The following FRMD4B variants were observed in gnomAD, a reference collection of about 807,000 sequenced individuals.
FRMD4B encodes FERM domain containing 4B.
A neutral mutation model predicts 141.5 loss-of-function variants in FRMD4B; 74 were observed. The observed-to-expected ratio is 0.52, with a 90% CI of 0.43 to 0.63. The LOEUF is 0.63. Ranked by LOEUF, FRMD4B falls within the 30% of genes least tolerant of loss-of-function variation. The pLI is 0.00. For synonymous variants in FRMD4B, 506 were observed against 467.9 expected, an observed-to-expected ratio of 1.08 and a Z score of -1.05; for missense variants, 1,366 against 1,253.4, an observed-to-expected ratio of 1.09 and a Z score of -1.36.
intron 8 of FRMD4B, among the ~76,000 whole-genome samples, chr3:69,224,333 G>C (rs1186700943): frequency 6.6e-6 from 1 of 152,100 alleles, no homozygotes; most frequent in African/African-American, 2.4e-5. Flanking sequence ...ATTCACCTAG[G>C]AGCATACTCT....
chr3:69,223,462 C>T (rs555765675), intron 8 of FRMD4B, among the ~76,000 whole-genome samples: 9 of 152,150 alleles, frequency 5.9e-5, no homozygotes, highest in African/African-American at 1.4e-4. Flanking sequence ...TTGCAGTGAG[C>T]GGAGATTGTG....
intron 1 of FRMD4B, among the ~76,000 whole-genome samples, chr3:69,359,831 T>A (rs2007578): frequency 0.37 from 55,625 of 152,088 alleles, 12,154 homozygotes; most frequent in African/African-American, 0.61. Context: ...CATCTCTGTG[T>A]TTGGAAAAAT....
chr3:69,254,368 C>T (rs12152261), intron 5 of FRMD4B, among the ~76,000 whole-genome samples: 10,624 of 152,104 alleles, frequency 0.07, 495 homozygotes, highest in Non-Finnish European at 0.098. Flanking sequence ...CTCAGCCTCC[C>T]GAAGTGCTTA....
chr3:69,540,650 T>C (rs1183752788), intron 1 of FRMD4B, among the ~76,000 whole-genome samples: 6 of 81,520 alleles, frequency 7.4e-5, no homozygotes, highest in Admixed American at 2.7e-4. Flanking sequence ...TATATATATA[T>C]ATATATATAT....
At chr3:69,207,307 TA>T (rs11389016) in intron 11 of FRMD4B, among the ~76,000 whole-genome samples, 45 of 136,866 alleles carry the variant, frequency 3.3e-4, no homozygotes, top group African/African-American at 6.4e-4. Flanking sequence ...CCTATGTCTT[TA>T]AAAAAAAAAA....
intron 3 of FRMD4B, 69 bp from the exon 4 acceptor site, chr3:69,302,504 G>T: frequency 1.1e-6 from 1 of 932,472 alleles, no homozygotes. Context: ...TACAGTGTTG[G>T]CAAAGCTGTG....
At chr3:69,368,964 TTTC>T (rs1703749497) in intron 1 of FRMD4B, among the ~76,000 whole-genome samples, 1 of 152,250 alleles carries the variant, frequency 6.6e-6, no homozygotes, top group Non-Finnish European at 1.5e-5. Context: ...CCCAGCTTGT[TTTC>T]TTCTTTTTAA....
At chr3:69,214,662 C>A (rs374054312) in intron 11 of FRMD4B, among the ~76,000 whole-genome samples, 2 of 152,162 alleles carry the variant, frequency 1.3e-5, no homozygotes, top group East Asian at 1.9e-4. Context: ...AGTTCAAGAC[C>A]AGTCTGGGAA....
intron 2 of FRMD4B, among the ~76,000 whole-genome samples, chr3:69,422,401 G>A (rs73109466): frequency 0.26 from 38,450 of 147,728 alleles, 5,572 homozygotes; most frequent in East Asian, 0.46. Context: ...AAAAAAAGAA[G>A]AGAAAAGGAG....
At position 69,193,749 on chromosome 3, in the gene FRMD4B, T is replaced by A; in HGVS notation, c.1613A>T (p.Tyr538Phe). ...KTVKKKRKQD[Y>F]TDAMKKLQEI... is the part of the protein sequence containing the mutation. ...CTGAAGCTTTTTCATCGCATCTGTG[T>A]AATCTTGCTTTCGCTTTTTCTTCAC... Residue 538 changes from tyrosine to phenylalanine, a missense_variant, in exon 17 of 23, where the codon TAC becomes TTC. Physicochemically the swap from Tyr to Phe is conservative, Grantham distance 22 (BLOSUM62 3). Coordinates refer to ENST00000398540, the MANE Select transcript of FRMD4B (RefSeq NM_015123.3). 6.2e-7 allele frequency: 1 copy of A among 1,613,634 alleles called. No individual in the cohort carries two copies. Among genetic ancestry groups the A allele is most frequent in the East Asian group, 2.2e-5 (1 of 44,884 alleles).
rs575934890 is a variant in FRMD4B at position 69,539,343 on chromosome 3, G to A, written c.-129+2863C>T. On this transcript the variant is annotated intron_variant, in intron 1 of 5. Coordinates refer to the FRMD4B transcript ENST00000459638. ...AGGCTTGCTGAAACTAGAGGCCAGCGACAATAAACATTACTGAGAAAACTT... is the reference window on the plus strand; with the variant it reads ...AGGCTTGCTGAAACTAGAGGCCAGCAACAATAAACATTACTGAGAAAACTT... Among the ~76,000 whole-genome samples the A allele has an allele frequency of 3.3e-5, 5 of 152,272 alleles. No homozygotes were observed. The South Asian group carries it at 8.3e-4, about 25-fold the overall frequency.
intron 1 of FRMD4B, among the ~76,000 whole-genome samples, chr3:69,539,106 G>C (rs914520279): frequency 2.0e-5 from 3 of 152,196 alleles, no homozygotes; most frequent in Non-Finnish European, 4.4e-5. Context: ...ATCACTTGCA[G>C]TATAAGCCTC....
At chr3:69,468,838 A>G (rs562494463) in intron 1 of FRMD4B, among the ~76,000 whole-genome samples, 1 of 152,312 alleles carries the variant, frequency 6.6e-6, no homozygotes, top group South Asian at 2.1e-4. Context: ...TCTGAGAGTT[A>G]AAAATCTGCT....
In FRMD4B at chr3:69,452,762, C is replaced by T. The variant is rs1478077557; in HGVS notation, c.-128-20001G>A. Among the ~76,000 whole-genome samples the T allele has an allele frequency of 3.9e-5, 6 of 152,154 alleles. No homozygotes were observed. In the East Asian group the frequency reaches 1.2e-3, roughly 29 times the overall value. On this transcript the variant is annotated intron_variant, in intron 1 of 5. Coordinates refer to the FRMD4B transcript ENST00000459638. ...TTTCATGTGGCTAGGTCAGGAAGTA[C>T]TCTACAACAGAACTGTCTAGCAGAA...
In FRMD4B at chr3:69,218,348, A is replaced by C; in HGVS notation, c.763T>G (p.Tyr255Asp). The change falls in exon 10 of 23, where the codon TAC becomes GAC. Residue 255 changes from tyrosine (Y) to aspartate (D), a missense_variant. By Grantham distance (160) the Tyr-to-Asp change is radical (BLOSUM62 -3). Transcript: ENST00000398540. The part of the protein sequence containing the change: ...YMKIVEALPT[Y>D]GVHYYAVKDK... ...TTTACTGCATAATAATGGACACCGT[A>C]AGTCGGTAGAGCTTCTACTATTTTC... The C allele has an allele frequency of 6.6e-7, 1 of 1,507,890 alleles. No homozygotes were observed. Among genetic ancestry groups the C allele is most frequent in the Non-Finnish European group, 9.2e-7 (1 of 1,088,124 alleles). The allele number at this position is 1,507,890 out of a possible 1,614,324, so 93.4% of individuals were successfully genotyped here.
At chr3:69,407,771 T>C (rs754304655) in intron 2 of FRMD4B, among the ~76,000 whole-genome samples, 1 of 152,114 alleles carries the variant, frequency 6.6e-6, no homozygotes, top group Non-Finnish European at 1.5e-5. Context: ...ATATCTGCCA[T>C]AGGCCCAGAC....
chr3:69,420,305 A>AAAAAAC lies in FRMD4B; in HGVS notation c.-1+12328_-1+12329insGTTTTT, dbSNP rs397969011. Reference sequence around the variant, plus strand: ...AAAGGGATATCAAAAAAAAAAAAAAACAACCAAAACAACCCTACATTCTTT... The same window carrying AAAAAAC: ...AAAGGGATATCAAAAAAAAAAAAAAAAAAAACCAACCAAAACAACCCTACATTCTTT... On this transcript the variant is annotated intron_variant, in intron 2 of 5. Coordinates refer to the FRMD4B transcript ENST00000459638. Among the ~76,000 whole-genome samples, 3 of 150,966 alleles carry AAAAAAC rather than the reference A, an allele frequency of 2.0e-5. No individual in the cohort carries two copies. The East Asian group carries it at 5.8e-4, about 29-fold the overall frequency.
chr3:69,348,263 C>T (rs1321196448), intron 1 of FRMD4B, among the ~76,000 whole-genome samples: 3 of 152,162 alleles, frequency 2.0e-5, no homozygotes, highest in African/African-American at 7.2e-5. Context: ...GACACATACA[C>T]CCTCCCAAGA....
At chr3:69,472,514 A>T (rs923547429) in intron 1 of FRMD4B, 17 of 293,990 alleles carry the variant, frequency 5.8e-5, no homozygotes, top group African/African-American at 3.8e-4. Flanking sequence ...ATTCCTTGAC[A>T]TTCAAAACTG....
Sources: allele counts gnomAD v4.1 joint callset (sites outside exome capture counted in the v4.1 genomes callset), GRCh38; gene constraint gnomAD v4.1.1; transcripts MANE v1.5; gene names NCBI Gene and HGNC (gene_info 2026-07-23, HGNC 2026-07-21).